Variants in PTCH2 observed in about 807,000 individuals in gnomAD.
The protein encoded by PTCH2 is protein patched homolog 2.
PTCH2 carries 96 observed loss-of-function variants against 117.9 expected under a neutral mutation model. The ratio of observed to expected loss-of-function variants is 0.81; its 90% confidence interval spans 0.69 to 0.96. The LOEUF (loss-of-function observed/expected upper bound fraction) is 0.96. Among genes scored for constraint, PTCH2 ranks in the 50% least tolerant of loss-of-function variants. The pLI is 0.00. For missense variants in PTCH2, 1,379 were observed against 1,562.5 expected (o/e 0.88, Z 1.98); for synonymous variants, 615 against 660.9 (o/e 0.93, Z 1.06).
rs560010627 is a variant in PTCH2 at position 44,826,258 on chromosome 1, C to A, written c.3106G>T (p.Val1036Leu). The change falls in exon 19 of 22, where the codon GTG becomes TTG. Residue 1036 changes from valine to leucine, a missense_variant. Physicochemically the swap from Val to Leu is conservative, Grantham distance 32. Coordinates refer to ENST00000372192, the MANE Select transcript of PTCH2 (RefSeq NM_003738.5). This position sits in a 1 kb window ranked among gnomAD's most constrained non-coding sequence, Gnocchi z 5.1. ...GGGGTGCCCGTGCTCACCAGAGCCACGTGGACTGTGAACTCAACGCCAATG... is the reference window on the plus strand; with the variant it reads ...GGGGTGCCCGTGCTCACCAGAGCCAAGTGGACTGTGAACTCAACGCCAATG... ...VGIGVEFTVH[V>L]ALGFLTTQGS... The A allele has an allele frequency of 6.2e-7, 1 of 1,614,046 alleles. No homozygotes were observed. The highest frequency in any genetic ancestry group is 1.1e-5 in the South Asian group (1 of 91,086).
At chr1:44,830,337 GCTT>G (rs1653377029) in intron 6 of PTCH2, among the ~76,000 whole-genome samples, 1 of 152,132 alleles carries the variant, frequency 6.6e-6, no homozygotes, top group Non-Finnish European at 1.5e-5. Context: ...TGATATTCAT[GCTT>G]ACCTGCTGTG....
At chr1:44,827,121 G>A (rs750228687) in intron 16 of PTCH2, 39 bp from the exon 17 acceptor site, 48 of 1,613,816 alleles carry the variant, frequency 3.0e-5, no homozygotes, top group Non-Finnish European at 4.1e-5. Context: ...GGGCCCAGGA[G>A]GCCTGCAGCC....
chr1:44,830,214 C>T (rs1557646488), intron 6 of PTCH2, among the ~76,000 whole-genome samples, 184 bp from the exon 7 acceptor site: 1 of 137,010 alleles, frequency 7.3e-6, no homozygotes, highest in Non-Finnish European at 1.5e-5. Context: ...GACAGGAAGC[C>T]CCAAGGGGAA....
intron 15 of PTCH2, 34 bp from the exon 16 acceptor site, chr1:44,827,343 G>C (rs749364880): frequency 1.2e-5 from 20 of 1,613,454 alleles, no homozygotes; most frequent in African/African-American, 2.7e-5. Flanking sequence ...CTATTAGCTG[G>C]TGGCCCCAGG....
chr1:44,827,724 G>A lies in PTCH2; in HGVS notation c.2059-10C>T. 6.2e-7 allele frequency: 1 copy of A among 1,610,968 alleles called. No individual in the cohort carries two copies. The highest frequency in any genetic ancestry group is 1.1e-5 in the South Asian group (1 of 91,082). ...GCACCAGCACGATGGCCTGCGGGAT[G>A]TAGCAACTAAGCTGGAGACCCCAGG... On this transcript the variant is annotated splice_polypyrimidine_tract_variant and intron_variant, in intron 14 of 21. Transcript: ENST00000372192.
At position 44,832,330 on chromosome 1, in the gene PTCH2, C is replaced by G. The variant is rs145784624; in HGVS notation, c.277G>C (p.Val93Leu). The G allele has an allele frequency of 8.7e-6, 14 of 1,614,140 alleles. No homozygotes were observed. In the South Asian group the frequency reaches 9.9e-5, roughly 11 times the overall value. ...TTGGTGTAATGCAGCTCCTGGCTCA[C>G]CCGGCTGCCCACTGCCAGAGCAAAC... ...EQLWVEVGSR[V>L]SQELHYTKEK... The change falls in exon 3 of 22, where the codon GTG becomes CTG. Residue 93 changes from valine (V) to leucine (L), a missense_variant. Transcript: ENST00000372192.
downstream of PTCH2, chr1:44,820,687 G>A: frequency 1.4e-6 from 1 of 718,132 alleles, no homozygotes; most frequent in Non-Finnish European, 2.6e-6. Context: ...GGGAGGCAGA[G>A]GCTAGATCTC....
chr1:44,830,972 G>A lies in PTCH2; in HGVS notation c.689C>T (p.Ser230Phe), dbSNP rs2148879223. The A allele has an allele frequency of 6.2e-7, 1 of 1,612,504 alleles. No individual in the cohort carries two copies. Among genetic ancestry groups the A allele is most frequent in the South Asian group, 1.1e-5 (1 of 91,024 alleles). Residue 230 changes from serine (S) to phenylalanine (F), a missense_variant, in exon 6 of 22, where the codon TCC becomes TTC. Ser to Phe is a radical substitution (Grantham distance 155, BLOSUM62 -2). Transcript: ENST00000372192. The part of the protein sequence containing the change: ...QLLEELGPFA[S>F]LEGFRELLDK... ...TAGCAGCTCCCGGAAGCCCTCAAGG[G>A]AGGCAAAGGGACCCAGCTCCTCCAG...
chr1:44,835,358 A>C (rs1422920095), intron 2 of PTCH2, among the ~76,000 whole-genome samples: 1 of 152,214 alleles, frequency 6.6e-6, no homozygotes, highest in African/African-American at 2.4e-5. Context: ...TGCTCGGCCA[A>C]ACTTTTATGT....
At position 44,832,233 on chromosome 1, in the gene PTCH2, TTC is replaced by T. The variant is rs1420990980; in HGVS notation, c.372_373del (p.Asn125HisfsTer19). The T allele has an allele frequency of 1.2e-6, 2 of 1,614,126 alleles. No homozygotes were observed. The highest frequency in any genetic ancestry group is 1.7e-5 in the Admixed American group (1 of 60,022). On this transcript the variant is annotated frameshift_variant, in exon 3 of 22. Transcript: ENST00000372192. LOFTEE classifies it high-confidence loss of function. ...GCCAAGTGCTTCGGGTGTGAGGATG[TTC>T]TCTCCCTCCTGGCGTGCGGTCTGTA...
chr1:44,820,835 A>G, downstream of PTCH2: 1 of 614,442 alleles, frequency 1.6e-6, no homozygotes, highest in Non-Finnish European at 3.0e-6. Context: ...TGCTCCACCT[A>G]GAAGGCCCTT....
At position 44,829,461 on chromosome 1, in the gene PTCH2, T is replaced by G. The variant is rs775127172; in HGVS notation, c.1156A>C (p.Ile386Leu). ...HAFSSTTLDD[I>L]LHAFSEVSAA... ...CTGACTTCAGAGAACGCATGCAGGA[T>G]GTCATCCAGGGTGGTGGAGGAGAAG... is the stretch of plus-strand genomic sequence containing the variant. Residue 386 changes from isoleucine to leucine, a missense_variant, in exon 9 of 22, where the codon ATC becomes CTC. By Grantham distance (5) the Ile-to-Leu change is conservative. Transcript: ENST00000372192. 4 of 1,614,144 alleles carry G rather than the reference T, an allele frequency of 2.5e-6. No homozygotes were observed. The highest frequency in any genetic ancestry group is 3.4e-6 in the Non-Finnish European group (4 of 1,180,016).
chr1:44,837,229 A>G (rs1357640318), intron 2 of PTCH2, among the ~76,000 whole-genome samples: 1 of 151,996 alleles, frequency 6.6e-6, no homozygotes, highest in East Asian at 1.9e-4. Flanking sequence ...ATGTGGCTAA[A>G]AGCATTCTAT....
intron 2 of PTCH2, among the ~76,000 whole-genome samples, chr1:44,836,427 C>T (rs779294316): frequency 1.1e-4 from 16 of 151,886 alleles, no homozygotes; most frequent in Non-Finnish European, 2.2e-4. Context: ...GCCTGGGGGC[C>T]GGCCAGGCGC....
At chr1:44,825,855 T>TC (rs1481994169) in intron 19 of PTCH2, among the ~76,000 whole-genome samples, 1 of 150,154 alleles carries the variant, frequency 6.7e-6, no homozygotes, top group East Asian at 2.0e-4. Flanking sequence ...TTTTTTTTTT[T>TC]TTTTTTTGAG....
rs768120453 is a variant in PTCH2 at position 44,829,525 on chromosome 1, CTGGGCCAGCTGGAGAAACAGGG to C, written c.1084-14_1091del. 2 of 1,614,160 alleles carry C rather than the reference CTGGGCCAGCTGGAGAAACAGGG, an allele frequency of 1.2e-6. No individual in the cohort carries two copies. Among genetic ancestry groups the C allele is most frequent in the Middle Eastern group, 1.7e-4 (1 of 6,054 alleles). Reference sequence around the variant, plus strand: ...GGGAAGCGTTCTCAGGCAGGGCCTCCTGGGCCAGCTGGAGAAACAGGGTGGATAGGAGGGGGCAGGAGGAGGG... The same window carrying C: ...GGGAAGCGTTCTCAGGCAGGGCCTCCTGGATAGGAGGGGGCAGGAGGAGGG... On this transcript the variant is annotated splice_acceptor_variant and splice_polypyrimidine_tract_variant and coding_sequence_variant and intron_variant, in exon 9 of 22. Transcript: ENST00000372192. LOFTEE classifies it high-confidence loss of function.
intron 19 of PTCH2, among the ~76,000 whole-genome samples, chr1:44,824,794 T>C (rs1291044956): frequency 6.6e-6 from 1 of 152,252 alleles, no homozygotes. Flanking sequence ...TGCCTCAGCA[T>C]CCTGAGTAGC....
chr1:44,830,131 G>A, intron 6 of PTCH2, 101 bp from the exon 7 acceptor site: 2 of 1,499,244 alleles, frequency 1.3e-6, no homozygotes, highest in East Asian at 2.3e-5. Flanking sequence ...ATGAAGCTCA[G>A]TAGGGCTGGA....
chr1:44,832,636 A>G (rs1653509360), intron 2 of PTCH2, among the ~76,000 whole-genome samples: 1 of 152,172 alleles, frequency 6.6e-6, no homozygotes, highest in African/African-American at 2.4e-5. Context: ...GTAAACTTAA[A>G]AATGACAATC....
Sources: allele counts gnomAD v4.1 joint callset (sites outside exome capture counted in the v4.1 genomes callset), GRCh38; gene constraint gnomAD v4.1.1; non-coding constraint Gnocchi (gnomAD v3.1); transcripts MANE v1.5; gene names NCBI Gene and HGNC (gene_info 2026-07-23, HGNC 2026-07-21).